Variants in SCHIP1 observed in about 807,000 individuals in gnomAD.
SCHIP1 encodes the protein schwannomin-interacting protein 1.
SCHIP1 carries 8 observed loss-of-function variants against 29.7 expected under a neutral mutation model. That is an observed-to-expected ratio of 0.27 (90% CI 0.16 to 0.49). The LOEUF (loss-of-function observed/expected upper bound fraction) is 0.49. SCHIP1 is among the 20% of genes least tolerant of loss of function. The pLI is 0.99. For missense variants in SCHIP1, 193 were observed against 294.6 expected (o/e 0.66, Z 2.52); for synonymous variants, 76 against 94.9 (o/e 0.80, Z 1.16).
the SCHIP1 span, among the ~76,000 whole-genome samples, chr3:159,390,055 C>CAT: frequency 3.8e-3 from 576 of 151,514 alleles, 20 homozygotes; most frequent in East Asian, 0.067. Context: ...ATCCTGATTG[C>CAT]ATATATATAT....
chr3:159,489,367 G>T, the SCHIP1 span, among the ~76,000 whole-genome samples: 2 of 152,142 alleles, frequency 1.3e-5, no homozygotes, highest in Non-Finnish European at 2.9e-5. Context: ...TCAACATCTT[G>T]TGCTAATTCA....
the SCHIP1 span, among the ~76,000 whole-genome samples, chr3:159,576,293 G>A: frequency 4.6e-5 from 7 of 152,154 alleles, no homozygotes; most frequent in South Asian, 8.3e-4. Context: ...ATTGAATAAT[G>A]GGTTAACAGA....
the SCHIP1 span, among the ~76,000 whole-genome samples, chr3:159,386,227 G>A: frequency 6.6e-5 from 10 of 151,996 alleles, no homozygotes; most frequent in African/African-American, 2.2e-4. Flanking sequence ...GGGATGGCTG[G>A]GTCAAATGGT....
At chr3:159,712,167 T>G in the SCHIP1 span, among the ~76,000 whole-genome samples, 362 of 152,156 alleles carry the variant, frequency 2.4e-3, no homozygotes, top group Non-Finnish European at 3.6e-3. Context: ...GCCTTTTAAA[T>G]CTCACTTGAA....
chr3:159,626,216 A>G, the SCHIP1 span, among the ~76,000 whole-genome samples: 1 of 119,896 alleles, frequency 8.3e-6, no homozygotes, highest in Admixed American at 7.8e-5. Flanking sequence ...AGATATATCT[A>G]GATATATATA....
the SCHIP1 span, among the ~76,000 whole-genome samples, chr3:159,550,904 A>G: frequency 2.6e-5 from 4 of 152,194 alleles, no homozygotes; most frequent in African/African-American, 9.6e-5. Context: ...TAATATTTTT[A>G]TTTATTGTAA....
the SCHIP1 span, among the ~76,000 whole-genome samples, chr3:159,704,459 T>C: frequency 6.7e-6 from 1 of 150,270 alleles, no homozygotes; most frequent in Non-Finnish European, 1.5e-5. Flanking sequence ...ACTAGAAGTT[T>C]AGTCCATTAG....
chr3:159,281,430 A>T, the SCHIP1 span, among the ~76,000 whole-genome samples: 3 of 152,216 alleles, frequency 2.0e-5, no homozygotes, highest in East Asian at 1.9e-4. Flanking sequence ...ACATATATTT[A>T]AAAAATAATA....
chr3:159,382,233 T>TA, the SCHIP1 span, among the ~76,000 whole-genome samples: 146,852 of 146,852 alleles, frequency 1, 73,426 homozygotes, highest in Non-Finnish European at 1. Context: ...GCATTAGGTA[T>TA]TCTCCTAATG....
chr3:159,599,449 T>C, the SCHIP1 span, among the ~76,000 whole-genome samples: 3 of 152,190 alleles, frequency 2.0e-5, no homozygotes, highest in African/African-American at 7.2e-5. Context: ...ATCATTCTTA[T>C]GCCTTTGCAC....
chr3:159,356,349 C>A, the SCHIP1 span, among the ~76,000 whole-genome samples: 1 of 152,096 alleles, frequency 6.6e-6, no homozygotes, highest in Non-Finnish European at 1.5e-5. Flanking sequence ...TTTGGCCATG[C>A]CTATCTGTCT....
the SCHIP1 span, among the ~76,000 whole-genome samples, chr3:159,758,402 C>T: frequency 1.3e-5 from 2 of 152,220 alleles, no homozygotes; most frequent in Non-Finnish European, 2.9e-5. Context: ...CCGCCCGCCT[C>T]AGCCTCCCAA....
At chr3:159,777,092 A>G in the SCHIP1 span, among the ~76,000 whole-genome samples, 8 of 152,366 alleles carry the variant, frequency 5.3e-5, no homozygotes, top group South Asian at 1.0e-3. Flanking sequence ...TATGAGAACT[A>G]TCTTGACTAT....
the SCHIP1 span, among the ~76,000 whole-genome samples, chr3:159,549,078 CTA>C: frequency 2.0e-5 from 3 of 152,264 alleles, no homozygotes; most frequent in Non-Finnish European, 4.4e-5. Flanking sequence ...ATTGCAAACT[CTA>C]TCTCTTGAGT....
chr3:159,500,755 C>T, the SCHIP1 span, among the ~76,000 whole-genome samples: 1 of 151,858 alleles, frequency 6.6e-6, no homozygotes, highest in African/African-American at 2.4e-5. Flanking sequence ...ATTATTGACC[C>T]CCATATGCTA....
At chr3:159,577,746 C>A in the SCHIP1 span, among the ~76,000 whole-genome samples, 1 of 151,998 alleles carries the variant, frequency 6.6e-6, no homozygotes, top group Non-Finnish European at 1.5e-5. Context: ...AAATTTAATC[C>A]CTTTGCAGGT....
At chr3:159,774,767 C>A in the SCHIP1 span, among the ~76,000 whole-genome samples, 1 of 152,194 alleles carries the variant, frequency 6.6e-6, no homozygotes, top group African/African-American at 2.4e-5. Flanking sequence ...GCCAAACTTA[C>A]TGAAAGCTAA....
the SCHIP1 span, among the ~76,000 whole-genome samples, chr3:159,424,729 C>T: frequency 3.9e-5 from 6 of 152,246 alleles, no homozygotes; most frequent in South Asian, 1.2e-3. Context: ...AAGTCCAAGA[C>T]ACATAATTGT....
chr3:159,861,290 C>A lies in SCHIP1; in HGVS notation c.31-4873C>A, dbSNP rs868828233. On this transcript the variant is annotated intron_variant, in intron 1 of 6. Transcript: ENST00000445224. This position sits in a 1 kb window ranked among gnomAD's most constrained non-coding sequence, Gnocchi z 4.1. ...GTAAGGGATGGGGCCATGCCATATG[C>A]CGAAAAAAAGGGTGGAAAGGTCCTG... 6.6e-6 allele frequency among the ~76,000 whole-genome samples: 1 copy of A among 151,498 alleles called. No homozygotes were observed.
Sources: gnomAD v4.1 joint callset for allele counts (sites outside exome capture counted in the v4.1 genomes callset) on GRCh38, gnomAD v4.1.1 for gene constraint, Gnocchi (gnomAD v3.1) non-coding constraint, MANE v1.5 for transcripts, NCBI Gene and HGNC (gene_info 2026-07-23, HGNC 2026-07-21) for gene names.